The following MBD2 variants were observed in gnomAD, a reference collection of about 807,000 sequenced individuals.
MBD2 encodes the protein methyl-CpG-binding domain protein 2.
In MBD2, 9 loss-of-function variants were observed where a neutral mutation model predicts 39.3. The ratio of observed to expected loss-of-function variants is 0.23; its 90% confidence interval spans 0.14 to 0.40. The LOEUF is 0.40. Among genes scored for constraint, MBD2 ranks in the 10% least tolerant of loss-of-function variants. MBD2 has a pLI of 1.00. For synonymous variants in MBD2, 233 were observed against 211.1 expected (o/e 1.10, Z -0.90); for missense variants, 458 against 532.6 (o/e 0.86, Z 1.38).
At chr18:54,193,272 A>G (rs1346344443) in intron 2 of MBD2, among the ~76,000 whole-genome samples, 1 of 152,230 alleles carries the variant, frequency 6.6e-6, no homozygotes, top group Non-Finnish European at 1.5e-5. Context: ...TTATGGGACA[A>G]GATTAAAGCT....
chr18:54,190,474 CCT>C (rs1326156381), intron 2 of MBD2, among the ~76,000 whole-genome samples: 1 of 152,114 alleles, frequency 6.6e-6, no homozygotes, highest in Non-Finnish European at 1.5e-5. Flanking sequence ...CGCCTGGCAC[CCT>C]GAGTTGCTGG....
In MBD2 at chr18:54,219,633, C is replaced by A. The variant is rs775902785; in HGVS notation, c.542+4385G>T. The stretch of plus-strand genomic sequence containing the variant: ...CAATAGTCACATTGCTTACCTGGGT[C>A]CACTCAGTCAGTTTTCTAGATACTA... On this transcript the variant is annotated intron_variant, in intron 1 of 6. Coordinates refer to ENST00000256429, the MANE Select transcript of MBD2 (RefSeq NM_003927.5). Among the ~76,000 whole-genome samples, 43 of 152,236 alleles carry A rather than the reference C, an allele frequency of 2.8e-4. 1 individual carries two copies. Among genetic ancestry groups the A allele is most frequent in the Non-Finnish European group, 1.9e-4 (13 of 68,020 alleles).
intron 2 of MBD2, among the ~76,000 whole-genome samples, chr18:54,196,907 C>T (rs1325789853): frequency 1.3e-5 from 2 of 152,202 alleles, no homozygotes; most frequent in Non-Finnish European, 2.9e-5. Flanking sequence ...TCCTAGCAAT[C>T]GCTATCCAAT....
chr18:54,166,030 C>T, intron 4 of MBD2, 46 bp downstream of exon 4: 2 of 1,279,934 alleles, frequency 1.6e-6, no homozygotes, highest in Non-Finnish European at 2.3e-6. Flanking sequence ...GCCTGGCATG[C>T]AGTAGGTACT....
chr18:54,190,779 G>A (rs2086315106), intron 2 of MBD2, among the ~76,000 whole-genome samples: 1 of 152,088 alleles, frequency 6.6e-6, no homozygotes, highest in Non-Finnish European at 1.5e-5. Flanking sequence ...AGGACTTACT[G>A]AATATTATAT....
rs1408013940 is a variant in MBD2 at position 54,153,827 on chromosome 18, A to AG, written c.*1496dup. ...CTGCTTCAAGGAAACTAATGGCCCT[A>AG]GGGTCCAGGGATCAAAGTTGAGCGT... is the stretch of plus-strand genomic sequence containing the variant. On this transcript the variant is annotated 3_prime_UTR_variant, in exon 7 of 7. Coordinates refer to ENST00000256429, the MANE Select transcript of MBD2 (RefSeq NM_003927.5). 1 of 152,226 alleles carries AG rather than the reference A, an allele frequency of 6.6e-6. No homozygotes were observed. Among genetic ancestry groups the AG allele is most frequent in the African/African-American group, 2.4e-5 (1 of 41,462 alleles). 9.4% of individuals were successfully genotyped at this position (152,226 alleles called of 1,614,324 possible).
At chr18:54,173,156 A>G (rs1025346749) in intron 3 of MBD2, among the ~76,000 whole-genome samples, 3 of 152,150 alleles carry the variant, frequency 2.0e-5, no homozygotes, top group African/African-American at 4.8e-5. Flanking sequence ...ATTTCTTGCT[A>G]CTACGAATAT....
chr18:54,180,723 T>C lies in MBD2; in HGVS notation c.840+8151A>G, dbSNP rs145263969. ...AGTAGTAAACTACTGTTTTGAGAAG[T>C]AGTTTTTAAAAACACTATTCGATTT... On this transcript the variant is annotated intron_variant, in intron 3 of 6. Transcript: ENST00000256429. 2.8e-3 allele frequency among the ~76,000 whole-genome samples: 425 copies of C among 152,206 alleles called. 1 individual carries two copies. The highest frequency in any genetic ancestry group is 9.7e-3 in the African/African-American group (403 of 41,530).
chr18:54,194,910 C>T (rs1031089769), intron 2 of MBD2, among the ~76,000 whole-genome samples: 1 of 152,046 alleles, frequency 6.6e-6, no homozygotes, highest in Admixed American at 6.5e-5. Flanking sequence ...CTGAGTCATT[C>T]GTGTTCTCAA....
chr18:54,169,198 C>T (rs554134155), intron 3 of MBD2, among the ~76,000 whole-genome samples: 53 of 152,312 alleles, frequency 3.5e-4, no homozygotes, highest in African/African-American at 1.2e-3. Context: ...CTTTATCCAG[C>T]TTATATAATG....
intron 1 of MBD2, among the ~76,000 whole-genome samples, chr18:54,206,288 G>A (rs2086449308): frequency 6.6e-6 from 1 of 152,158 alleles, no homozygotes; most frequent in African/African-American, 2.4e-5. Flanking sequence ...TTTTTTTCCT[G>A]TGTGGCATTA....
chr18:54,199,955 T>C (rs1335201787), intron 2 of MBD2, among the ~76,000 whole-genome samples: 1 of 152,194 alleles, frequency 6.6e-6, no homozygotes, highest in Non-Finnish European at 1.5e-5. Context: ...ACAAAATTTT[T>C]TATTATTGTT....
At chr18:54,209,787 G>T (rs1450155488) in intron 1 of MBD2, among the ~76,000 whole-genome samples, 1 of 152,156 alleles carries the variant, frequency 6.6e-6, no homozygotes, top group Non-Finnish European at 1.5e-5. Flanking sequence ...AACTGACCCT[G>T]GGAGAGGCAA....
intron 3 of MBD2, among the ~76,000 whole-genome samples, chr18:54,177,158 C>T (rs2086217488): frequency 6.6e-6 from 1 of 152,184 alleles, no homozygotes; most frequent in Non-Finnish European, 1.5e-5. Context: ...CTTATTGATA[C>T]GCAAGTTCAT....
intron 2 of MBD2, among the ~76,000 whole-genome samples, chr18:54,200,953 G>A (rs927997500): frequency 2.0e-5 from 3 of 151,964 alleles, no homozygotes; most frequent in African/African-American, 7.3e-5. Context: ...GGTGGCGGGG[G>A]CCTGTAGTCC....
intron 1 of MBD2, among the ~76,000 whole-genome samples, chr18:54,212,346 T>C (rs935621858): frequency 6.6e-5 from 10 of 152,198 alleles, no homozygotes; most frequent in African/African-American, 2.4e-4. Flanking sequence ...ATAGTAATTA[T>C]TGCCTATGTT....
At chr18:54,180,903 CTTTTTTTTT>C (rs1189903798) in intron 3 of MBD2, among the ~76,000 whole-genome samples, 8 of 49,878 alleles carry the variant, frequency 1.6e-4, no homozygotes, top group Non-Finnish European at 2.7e-4. Context: ...TTTTCTTTTT[CTTTTTTTTT>C]TTTTTTTTTT....
chr18:54,224,432 G>T lies in MBD2; in HGVS notation c.128C>A (p.Pro43Gln). Residue 43 changes from proline to glutamine, a missense_variant, in exon 1 of 7, where the codon CCG becomes CAG. By Grantham distance (76) the Pro-to-Gln change is moderately conservative (BLOSUM62 -1). Coordinates refer to ENST00000256429, the MANE Select transcript of MBD2 (RefSeq NM_003927.5). The part of the protein sequence containing the change: ...EQGGQGSALA[P>Q]SPVSGVRREG... ...CCTGCGCACGCCGCTCACCGGGGAC[G>T]GGGCGAGCGCGCTGCCCTGGCCCCC... The T allele has an allele frequency of 8.1e-7, 1 of 1,240,172 alleles. No individual in the cohort carries two copies. The highest frequency in any genetic ancestry group is 1.0e-6 in the Non-Finnish European group (1 of 995,500). 76.8% of individuals were successfully genotyped at this position (1,240,172 alleles called of 1,614,324 possible).
At chr18:54,189,149 G>C in intron 2 of MBD2, 138 bp from the exon 3 acceptor site, 1 of 495,220 alleles carries the variant, frequency 2.0e-6, no homozygotes, top group Non-Finnish European at 3.4e-6. Flanking sequence ...AAATACTCTA[G>C]GGTACATGTT....
Sources: gnomAD v4.1 joint callset for allele counts (sites outside exome capture counted in the v4.1 genomes callset) on GRCh38, gnomAD v4.1.1 for gene constraint, MANE v1.5 for transcripts, NCBI Gene and HGNC (gene_info 2026-07-23, HGNC 2026-07-21) for gene names.